The following ATXN10 variants were observed in gnomAD, a reference collection of about 807,000 sequenced individuals.
ATXN10 encodes the protein ataxin-10.
A neutral mutation model predicts 52.9 loss-of-function variants in ATXN10; 28 were observed. That is an observed-to-expected ratio of 0.53 (90% CI 0.39 to 0.73). The LOEUF is 0.73. Ranked by LOEUF, ATXN10 falls within the 30% of genes least tolerant of loss-of-function variation. The pLI, the probability that ATXN10 is intolerant of heterozygous loss-of-function variation, is 0.00. For missense variants in ATXN10, 565 were observed against 577.0 expected (o/e 0.98, Z 0.21); for synonymous variants, 226 against 221.5 (o/e 1.02, Z -0.18).
chr22:45,806,315 C>T (rs1045315045), intron 9 of ATXN10, among the ~76,000 whole-genome samples: 5 of 152,126 alleles, frequency 3.3e-5, no homozygotes, highest in African/African-American at 9.7e-5. Flanking sequence ...TGAACATATT[C>T]TGATGTCTTT....
intron 8 of ATXN10, 108 bp from the exon 9 acceptor site, chr22:45,740,261 T>C (rs891887637): frequency 5.6e-6 from 6 of 1,065,618 alleles, no homozygotes; most frequent in African/African-American, 1.6e-5. Flanking sequence ...TTCTGTGCTC[T>C]ACCTTTAGCC....
At position 45,718,585 on chromosome 22, in the gene ATXN10, G is replaced by T; in HGVS notation, c.728+92G>T. The T allele has an allele frequency of 8.8e-7, 1 of 1,141,312 alleles. No individual in the cohort carries two copies. The highest frequency in any genetic ancestry group is 1.3e-6 in the Non-Finnish European group (1 of 750,770). 70.7% of individuals were successfully genotyped at this position (1,141,312 alleles called of 1,614,324 possible). On this transcript the variant is annotated intron_variant, in intron 6 of 11. Transcript: ENST00000252934. The surrounding 1 kb of genome is among the most constrained non-coding windows in gnomAD (Gnocchi z 4.4). ...TGAAAAGCTGTGTGGTTTCTGAGTTGGCACAGAATCTCTAAATACATGTTT... is the reference window on the plus strand; with the variant it reads ...TGAAAAGCTGTGTGGTTTCTGAGTTTGCACAGAATCTCTAAATACATGTTT...
intron 2 of ATXN10, among the ~76,000 whole-genome samples, chr22:45,691,892 C>CA (rs537963923): frequency 8.7e-4 from 128 of 146,708 alleles, no homozygotes; most frequent in East Asian, 2.4e-3. Flanking sequence ...GACTCCGTCT[C>CA]AAAAAAAAAA....
Position 45,754,398 on chromosome 22 carries a change from G to C in ATXN10, c.1173+13860G>C, listed in dbSNP as rs1424622557. Among the ~76,000 whole-genome samples the C allele has an allele frequency of 6.6e-6, 1 of 152,188 alleles. No individual in the cohort carries two copies. The highest frequency in any genetic ancestry group is 2.4e-5 in the African/African-American group (1 of 41,446). ...GAGGATTAAATTACTATTGATGACA[G>C]CAGTCACAGTGACCTTCCATGAATG... is the stretch of plus-strand genomic sequence containing the variant. On this transcript the variant is annotated intron_variant, in intron 9 of 11. Transcript: ENST00000252934. This position sits in a 1 kb window ranked among gnomAD's most constrained non-coding sequence, Gnocchi z 5.4.
intron 9 of ATXN10, among the ~76,000 whole-genome samples, chr22:45,794,522 A>C (rs1283468479): frequency 6.6e-6 from 1 of 151,830 alleles, no homozygotes; most frequent in Non-Finnish European, 1.5e-5. Flanking sequence ...AATGTTTACA[A>C]ATAACCAGCT....
intron 3 of ATXN10, among the ~76,000 whole-genome samples, chr22:45,700,065 G>A (rs2146751720): frequency 6.6e-6 from 1 of 152,064 alleles, no homozygotes; most frequent in African/African-American, 2.4e-5. Flanking sequence ...ACCCGCCTTG[G>A]CCTCCCAAAG....
chr22:45,715,250 T>C lies in ATXN10; in HGVS notation c.648-3163T>C, dbSNP rs1244185177. 6.6e-6 allele frequency among the ~76,000 whole-genome samples: 1 copy of C among 150,916 alleles called. No individual in the cohort carries two copies. The highest frequency in any genetic ancestry group is 2.4e-5 in the African/African-American group (1 of 41,322). On this transcript the variant is annotated intron_variant, in intron 5 of 11. Transcript: ENST00000252934. The surrounding 1 kb of genome is among the most constrained non-coding windows in gnomAD (Gnocchi z 4.4). ...CCACTGTTTAAAAACTGTTTATATA[T>C]ATTGTCTGGTTTTATGTTGTTTAAG...
rs1039571884 is a variant in ATXN10 at position 45,774,083 on chromosome 22, A to T, written c.1174-32876A>T. ...CAGACAGAAAGAACCATTTGATGCC[A>T]TGTGCTTCAGCCAGCACCATTTCAG... On this transcript the variant is annotated intron_variant, in intron 9 of 11. Coordinates refer to ENST00000252934, the MANE Select transcript of ATXN10 (RefSeq NM_013236.4). This position sits in a 1 kb window ranked among gnomAD's most constrained non-coding sequence, Gnocchi z 6.2. 6.6e-6 allele frequency among the ~76,000 whole-genome samples: 1 copy of T among 152,222 alleles called. No homozygotes were observed.
intron 7 of ATXN10, among the ~76,000 whole-genome samples, chr22:45,737,806 C>A (rs1308802892): frequency 6.8e-6 from 1 of 146,712 alleles, no homozygotes; most frequent in African/African-American, 2.5e-5. Flanking sequence ...TGAAACGATT[C>A]TACTGCCTCA....
rs1329399945 is a variant in ATXN10 at position 45,819,979 on chromosome 22, T to C, written c.1237+12957T>C. ...TTTGTCTAAAAAGACCTTAGTCACA[T>C]TTAGCAGTGACCAAGGGCCTGGTCA... On this transcript the variant is annotated intron_variant, in intron 10 of 11. Transcript: ENST00000252934. This position sits in a 1 kb window ranked among gnomAD's most constrained non-coding sequence, Gnocchi z 4.5. Among the ~76,000 whole-genome samples the C allele has an allele frequency of 6.6e-6, 1 of 152,166 alleles. No individual in the cohort carries two copies. Among genetic ancestry groups the C allele is most frequent in the Admixed American group, 6.5e-5 (1 of 15,282 alleles).
intron 10 of ATXN10, among the ~76,000 whole-genome samples, chr22:45,813,013 A>G (rs1928333958): frequency 6.6e-6 from 1 of 152,172 alleles, no homozygotes; most frequent in Non-Finnish European, 1.5e-5. Context: ...AATCCAGGGA[A>G]AAGGCACCAG....
chr22:45,746,032 C>T (rs1253929934), intron 9 of ATXN10, among the ~76,000 whole-genome samples: 12 of 151,824 alleles, frequency 7.9e-5, no homozygotes, highest in African/African-American at 2.4e-4. Flanking sequence ...AATTTGCCAT[C>T]GTTTTATTTG....
At chr22:45,806,067 G>T (rs1569072440) in intron 9 of ATXN10, among the ~76,000 whole-genome samples, 1 of 152,162 alleles carries the variant, frequency 6.6e-6, no homozygotes, top group African/African-American at 2.4e-5. Flanking sequence ...TATTTCATGG[G>T]GTAGTGTGCT....
At chr22:45,838,722 A>G (rs910874722) in intron 10 of ATXN10, among the ~76,000 whole-genome samples, 1 of 152,246 alleles carries the variant, frequency 6.6e-6, no homozygotes, top group Non-Finnish European at 1.5e-5. Flanking sequence ...AAGGAGTGGC[A>G]TGCATATTCA....
chr22:45,737,194 C>T (rs1266144816), intron 7 of ATXN10, among the ~76,000 whole-genome samples: 1 of 152,238 alleles, frequency 6.6e-6, no homozygotes, highest in Non-Finnish European at 1.5e-5. Context: ...TAATGTGCCA[C>T]TGCTGGCCGG....
At position 45,843,564 on chromosome 22, in the gene ATXN10, A is replaced by G. The variant is rs1402702607; in HGVS notation, c.1426-105A>G. On this transcript the variant is annotated intron_variant, in intron 11 of 11. Coordinates refer to ENST00000252934, the MANE Select transcript of ATXN10 (RefSeq NM_013236.4). The surrounding 1 kb of genome is among the most constrained non-coding windows in gnomAD (Gnocchi z 4.5). Reference sequence around the variant, plus strand: ...GAATTGTTTTAGGTTTCTCTAAGTTATTTGTCACCACTGACCAAAGTTCTG... The same window carrying G: ...GAATTGTTTTAGGTTTCTCTAAGTTGTTTGTCACCACTGACCAAAGTTCTG... 12 of 1,028,466 alleles carry G rather than the reference A, an allele frequency of 1.2e-5. No individual in the cohort carries two copies. The highest frequency in any genetic ancestry group is 8.1e-5 in the South Asian group (6 of 74,506). The allele number at this position is 1,028,466 out of a possible 1,614,324, so 63.7% of individuals were successfully genotyped here. A position where few individuals can be genotyped will look rare whatever the true frequency, so the allele number is the denominator to read the frequency against.
intron 9 of ATXN10, among the ~76,000 whole-genome samples, chr22:45,773,014 G>A (rs1036347003): frequency 6.6e-6 from 1 of 152,182 alleles, no homozygotes; most frequent in South Asian, 2.1e-4. Flanking sequence ...TTTCCCCCAA[G>A]ATATTTTTGA....
At chr22:45,752,587 G>GGCTGGA (rs1926021293) in intron 9 of ATXN10, among the ~76,000 whole-genome samples, 1 of 151,908 alleles carries the variant, frequency 6.6e-6, no homozygotes, top group Non-Finnish European at 1.5e-5. Flanking sequence ...CTGGGGCTGG[G>GGCTGGA]GCTGGGGCTG....
intron 10 of ATXN10, chr22:45,811,825 A>T (rs1166287120): frequency 2.1e-6 from 1 of 468,688 alleles, no homozygotes. Context: ...ATTCAGTGTC[A>T]TGATCTTTGA....
Sources: allele counts gnomAD v4.1 joint callset (sites outside exome capture counted in the v4.1 genomes callset), GRCh38; gene constraint gnomAD v4.1.1; non-coding constraint Gnocchi (gnomAD v3.1); transcripts MANE v1.5; gene names NCBI Gene and HGNC (gene_info 2026-07-23, HGNC 2026-07-21).